Variants in PCDH9 observed in about 807,000 individuals in gnomAD.
PCDH9 encodes the protein protocadherin 9, also known as protocadherin-9.
Under a neutral mutation model 70.6 loss-of-function variants are expected in PCDH9, and 24 were observed. That is an observed-to-expected ratio of 0.34 (90% confidence interval 0.25 to 0.48). The LOEUF is 0.48. PCDH9 is among the 20% of genes least tolerant of loss of function. The probability of loss-of-function intolerance (pLI) is 0.99; values close to 1 mark genes in which losing one functional copy is unlikely to be tolerated. For missense variants in PCDH9, 1,281 were observed against 1,503.6 expected, an observed-to-expected ratio of 0.85 and a Z score of 2.45; for synonymous variants, 562 against 558.5, an observed-to-expected ratio of 1.01 and a Z score of -0.09.
At chr13:66,526,537 C>T (rs1173649253) in intron 4 of PCDH9, among the ~76,000 whole-genome samples, 1 of 151,928 alleles carries the variant, frequency 6.6e-6, no homozygotes, top group Non-Finnish European at 1.5e-5. Flanking sequence ...CTCTCTGTCT[C>T]TGTCTCTCTC....
intron 4 of PCDH9, among the ~76,000 whole-genome samples, chr13:66,554,490 A>G (rs1961637455): frequency 6.6e-6 from 1 of 152,144 alleles, no homozygotes; most frequent in Non-Finnish European, 1.5e-5. Flanking sequence ...CAGATATTAA[A>G]TGGATAGCTA....
chr13:66,716,012 T>C (rs1257543625), intron 3 of PCDH9, among the ~76,000 whole-genome samples: 5 of 152,340 alleles, frequency 3.3e-5, no homozygotes, highest in Non-Finnish European at 4.4e-5. Context: ...ACCACTCCAA[T>C]TGTGGTTGGA....
chr13:66,905,381 T>C (rs1186667570), intron 2 of PCDH9, among the ~76,000 whole-genome samples: 1 of 152,154 alleles, frequency 6.6e-6, no homozygotes, highest in Non-Finnish European at 1.5e-5. Context: ...GCAGTGAGTC[T>C]CACCCTGACT....
At chr13:66,827,368 A>AG (rs35238068) in intron 3 of PCDH9, among the ~76,000 whole-genome samples, 42,409 of 150,560 alleles carry the variant, frequency 0.28, 7,266 homozygotes, top group Non-Finnish European at 0.37. Context: ...GGCAAAAAAA[A>AG]AAAAAAGAAA....
At chr13:66,835,877 T>C (rs1213921447) in intron 3 of PCDH9, among the ~76,000 whole-genome samples, 1 of 152,086 alleles carries the variant, frequency 6.6e-6, no homozygotes, top group Non-Finnish European at 1.5e-5. Flanking sequence ...ACCTCAATTA[T>C]AAAAAGCAAG....
Position 67,107,309 on chromosome 13 carries a change from A to G in PCDH9, c.3036+118096T>C, listed in dbSNP as rs72481754. Among the ~76,000 whole-genome samples the G allele has an allele frequency of 6.0e-3, 912 of 152,200 alleles. 21 individuals are homozygous for G. The highest frequency in any genetic ancestry group is 0.039 in the East Asian group (200 of 5,124). On this transcript the variant is annotated intron_variant, in intron 2 of 4. Coordinates refer to ENST00000377865, the MANE Select transcript of PCDH9 (RefSeq NM_203487.3). ...CCGGGCTGTCACTTCCAGGTGGAGCAGGCAGCCCCAAATGAGATCTTATGG... is the reference window on the plus strand; with the variant it reads ...CCGGGCTGTCACTTCCAGGTGGAGCGGGCAGCCCCAAATGAGATCTTATGG...
At chr13:66,844,395 G>T (rs1310026211) in intron 3 of PCDH9, among the ~76,000 whole-genome samples, 5 of 151,968 alleles carry the variant, frequency 3.3e-5, no homozygotes, top group Non-Finnish European at 7.4e-5. Context: ...GACCAACCAG[G>T]CCAACATGGT....
chr13:66,756,534 C>T lies in PCDH9; in HGVS notation c.3139-125123G>A, dbSNP rs888164996. Among the ~76,000 whole-genome samples the T allele has an allele frequency of 2.3e-5, 3 of 128,608 alleles. No individual in the cohort carries two copies. In the South Asian group the frequency reaches 7.2e-4, roughly 31 times the overall value. The allele number at this position is 128,608 out of a possible 152,430, so 84.4% of individuals were successfully genotyped here. A position where few individuals can be genotyped will look rare whatever the true frequency, so the allele number is the denominator to read the frequency against. On this transcript the variant is annotated intron_variant, in intron 3 of 4. Transcript: ENST00000377865. ...TGTAGGATAATCTTTGCAGTGAGGT[C>T]AACAAAGCCTTTTGTAGGATAATCT...
intron 4 of PCDH9, chr13:66,630,783 T>C (rs1266014118): frequency 6.5e-6 from 1 of 152,790 alleles, no homozygotes; most frequent in Non-Finnish European, 1.5e-5. Flanking sequence ...TCTAATATTC[T>C]TTATTTGTTT....
intron 2 of PCDH9, among the ~76,000 whole-genome samples, chr13:67,096,005 G>T (rs1044176105): frequency 1.3e-5 from 2 of 152,156 alleles, no homozygotes; most frequent in African/African-American, 4.8e-5. Flanking sequence ...ACACATTATA[G>T]TAATAAAGAC....
At chr13:66,572,895 G>A (rs1387704045) in intron 4 of PCDH9, among the ~76,000 whole-genome samples, 1 of 152,094 alleles carries the variant, frequency 6.6e-6, no homozygotes, top group African/African-American at 2.4e-5. Flanking sequence ...AAGGAGTTGG[G>A]ACCACAGACA....
chr13:66,328,440 G>T (rs1281863946), intron 4 of PCDH9, among the ~76,000 whole-genome samples: 1 of 151,998 alleles, frequency 6.6e-6, no homozygotes, highest in Non-Finnish European at 1.5e-5. Flanking sequence ...GTTAAGGTGG[G>T]TATTAGCATA....
At chr13:66,969,615 C>T (rs2083484995) in intron 2 of PCDH9, among the ~76,000 whole-genome samples, 1 of 151,948 alleles carries the variant, frequency 6.6e-6, no homozygotes, top group Admixed American at 6.6e-5. Context: ...TCTTACAAAC[C>T]ATTTTTTTCA....
chr13:66,311,366 C>CTGTGTG (rs71803849), intron 4 of PCDH9, among the ~76,000 whole-genome samples: 7 of 132,722 alleles, frequency 5.3e-5, no homozygotes, highest in African/African-American at 1.8e-4. Context: ...CTCTCTCTCT[C>CTGTGTG]TGTGTGTGTG....
intron 2 of PCDH9, among the ~76,000 whole-genome samples, chr13:66,930,501 T>C (rs936682303): frequency 6.6e-6 from 1 of 152,156 alleles, no homozygotes; most frequent in African/African-American, 2.4e-5. Flanking sequence ...ATATCTGGTA[T>C]AAAAGCCATT....
At chr13:67,012,678 T>C (rs1167580404) in intron 2 of PCDH9, among the ~76,000 whole-genome samples, 1 of 151,990 alleles carries the variant, frequency 6.6e-6, no homozygotes, top group African/African-American at 2.4e-5. Flanking sequence ...CTCTGACTCA[T>C]CCAGCTTCTG....
chr13:66,836,089 G>C (rs2081012731), intron 3 of PCDH9, among the ~76,000 whole-genome samples: 1 of 152,098 alleles, frequency 6.6e-6, no homozygotes. Flanking sequence ...AGAATAGATA[G>C]AAATAAAAAT....
chr13:66,722,456 C>T (rs2078953549), intron 3 of PCDH9, among the ~76,000 whole-genome samples: 1 of 152,116 alleles, frequency 6.6e-6, no homozygotes, highest in Admixed American at 6.6e-5. Context: ...AGACAGACTT[C>T]CCCGGAAGCC....
At chr13:66,867,016 CTT>C (rs562922937) in intron 3 of PCDH9, among the ~76,000 whole-genome samples, 21 of 136,976 alleles carry the variant, frequency 1.5e-4, no homozygotes, top group Non-Finnish European at 2.0e-4. Context: ...CAGTTTCTTT[CTT>C]TTTTTTTTTT....
Sources: gnomAD v4.1 joint callset for allele counts (sites outside exome capture counted in the v4.1 genomes callset) on GRCh38, gnomAD v4.1.1 for gene constraint, MANE v1.5 for transcripts, NCBI Gene and HGNC (gene_info 2026-07-23, HGNC 2026-07-21) for gene names.